Variants in CDYL observed in about 807,000 individuals in gnomAD.
CDYL encodes chromodomain Y like, also known as chromodomain Y-like protein.
CDYL carries 8 observed loss-of-function variants against 47.3 expected under a neutral mutation model. The observed-to-expected ratio is 0.17, with a 90% confidence interval of 0.10 to 0.31. The LOEUF (loss-of-function observed/expected upper bound fraction) is 0.31, where lower values mean the gene tolerates loss of function less well. Ranked by LOEUF, CDYL falls within the 10% of genes least tolerant of loss-of-function variation. The probability of loss-of-function intolerance (pLI) is 1.00; values close to 1 mark genes in which losing one functional copy is unlikely to be tolerated. For synonymous variants in CDYL, 266 were observed against 265.0 expected (o/e 1.00, Z -0.04); for missense variants, 471 against 701.4 (o/e 0.67, Z 3.71).
chr6:4,835,669 C>T (rs1167433687), intron 1 of CDYL, among the ~76,000 whole-genome samples: 2 of 152,212 alleles, frequency 1.3e-5, no homozygotes, highest in East Asian at 1.9e-4. Flanking sequence ...TGTGCCCTGC[C>T]CCCAGAGGTG....
intron 3 of CDYL, among the ~76,000 whole-genome samples, chr6:4,746,822 G>A (rs1010818238): frequency 6.6e-5 from 10 of 152,120 alleles, no homozygotes; most frequent in Non-Finnish European, 1.2e-4. Flanking sequence ...GAAGAGGACT[G>A]TTGGCCTCCT....
At chr6:4,943,456 A>G in intron 4 of CDYL, 90 bp from the exon 5 acceptor site, 1 of 925,778 alleles carries the variant, frequency 1.1e-6, no homozygotes, top group East Asian at 2.5e-5. Flanking sequence ...CGTAGCATTT[A>G]CATCTTGGTA....
At chr6:4,867,093 A>G (rs1287267865) in intron 1 of CDYL, among the ~76,000 whole-genome samples, 1 of 152,118 alleles carries the variant, frequency 6.6e-6, no homozygotes, top group Non-Finnish European at 1.5e-5. Flanking sequence ...ATAATTTCTC[A>G]CAGATATCTT....
chr6:4,871,380 G>T (rs1761468412), intron 1 of CDYL, among the ~76,000 whole-genome samples: 1 of 152,196 alleles, frequency 6.6e-6, no homozygotes, highest in South Asian at 2.1e-4. Context: ...GCCCCAAAAA[G>T]TTTTGGATTT....
intron 3 of CDYL, among the ~76,000 whole-genome samples, chr6:4,758,370 A>ATATC (rs140149693): frequency 4.4e-5 from 6 of 137,812 alleles, no homozygotes; most frequent in East Asian, 2.2e-4. Context: ...ATATATATAT[A>ATATC]TCTCTTTGTG....
chr6:4,829,357 C>T (rs1760069608), intron 1 of CDYL, among the ~76,000 whole-genome samples: 1 of 152,098 alleles, frequency 6.6e-6, no homozygotes, highest in African/African-American at 2.4e-5. Context: ...GATTGTGTTC[C>T]ACTGTGTTTT....
At chr6:4,856,725 G>C (rs2127466368) in intron 1 of CDYL, among the ~76,000 whole-genome samples, 1 of 152,348 alleles carries the variant, frequency 6.6e-6, no homozygotes, top group South Asian at 2.1e-4. Flanking sequence ...GGGGAAGACT[G>C]AGATGGAGTA....
rs11961775 is a variant in CDYL at position 4,933,206 on chromosome 6, G to A, written c.692-2309G>A. Among the ~76,000 whole-genome samples the A allele has an allele frequency of 2.8e-3, 432 of 152,288 alleles. 2 individuals are homozygous for A. The highest frequency in any genetic ancestry group is 7.7e-3 in the African/African-American group (321 of 41,554). On this transcript the variant is annotated intron_variant, in intron 2 of 6. Transcript: ENST00000397588. ...CAGTCTTCCCCTGGGAGCTCATACT[G>A]TCAGTTCAGCCATTTCTGGCACCAA...
intron 1 of CDYL, among the ~76,000 whole-genome samples, chr6:4,852,494 A>T (rs535909102): frequency 6.6e-4 from 36 of 54,520 alleles, no homozygotes; most frequent in Non-Finnish European, 7.1e-4. Context: ...CTTCCTTCCA[A>T]TCTTCCTTCC....
intron 2 of CDYL, among the ~76,000 whole-genome samples, chr6:4,723,031 C>G (rs1757401253): frequency 6.6e-6 from 1 of 152,156 alleles, no homozygotes; most frequent in Admixed American, 6.5e-5. Context: ...TGAATGCCTT[C>G]TGTGTATAAA....
intron 2 of CDYL, among the ~76,000 whole-genome samples, chr6:4,897,790 G>GTTTTGTTTTT (rs75519192): frequency 0.7 from 98,308 of 139,930 alleles, 35,675 homozygotes; most frequent in Middle Eastern, 0.82. Flanking sequence ...GAAGGTTTTT[G>GTTTTGTTTTT]TTTTTTTTTT....
At chr6:4,952,165 G>A in intron 5 of CDYL, 101 bp from the exon 6 acceptor site, 1 of 1,374,894 alleles carries the variant, frequency 7.3e-7, no homozygotes, top group Non-Finnish European at 9.9e-7. Flanking sequence ...TGCGGGGCTG[G>A]TATTTGTGAA....
intron 2 of CDYL, among the ~76,000 whole-genome samples, chr6:4,717,205 G>A (rs1757281068): frequency 6.6e-6 from 1 of 152,158 alleles, no homozygotes; most frequent in African/African-American, 2.4e-5. Flanking sequence ...GGCTGAGGCA[G>A]GAGGATCACT....
In CDYL at chr6:4,954,017, C is replaced by T; in HGVS notation, c.1596C>T (p.Ser532=). 6.2e-7 allele frequency: 1 copy of T among 1,614,028 alleles called. No individual in the cohort carries two copies. ...GGGGCTCGGCCCAGGGGATGGACTC[C>T]ATGTTAAAGTACTTGCAGAGGAAGA... ...KIWGSAQGMD[S]MLKYLQRKID... The change falls in exon 7 of 7, where the codon TCC becomes TCT. Residue 532 remains serine (S), a synonymous_variant. Transcript: ENST00000397588.
intron 2 of CDYL, among the ~76,000 whole-genome samples, chr6:4,900,874 A>G: frequency 7.4e-6 from 1 of 134,714 alleles, no homozygotes; most frequent in African/African-American, 2.9e-5. Flanking sequence ...CAAAATGTGA[A>G]CATTTCGTGA....
intron 1 of CDYL, among the ~76,000 whole-genome samples, chr6:4,844,418 C>T (rs1760594025): frequency 6.6e-6 from 1 of 152,142 alleles, no homozygotes; most frequent in African/African-American, 2.4e-5. Context: ...CCTGCAGCAG[C>T]AATCTGCTTC....
intron 3 of CDYL, 131 bp downstream of exon 3, chr6:4,935,902 G>A (rs1452141275): frequency 1.4e-6 from 2 of 1,396,216 alleles, no homozygotes; most frequent in Non-Finnish European, 1.9e-6. Flanking sequence ...ATGCCCACCA[G>A]AAGGGAGGGA....
chr6:4,718,573 C>G (rs1167777066), intron 2 of CDYL: 1 of 152,092 alleles, frequency 6.6e-6, no homozygotes, highest in Non-Finnish European at 1.5e-5. Context: ...CCACCATGCT[C>G]GGCCCCCATG....
intron 3 of CDYL, among the ~76,000 whole-genome samples, chr6:4,739,254 A>G (rs979591693): frequency 6.6e-6 from 1 of 151,946 alleles, no homozygotes; most frequent in Non-Finnish European, 1.5e-5. Context: ...ACAGTGGCTC[A>G]CTCCTGTAAT....
Sources: allele counts gnomAD v4.1 joint callset (sites outside exome capture counted in the v4.1 genomes callset), GRCh38; gene constraint gnomAD v4.1.1; transcripts MANE v1.5; gene names NCBI Gene and HGNC (gene_info 2026-07-23, HGNC 2026-07-21).